The following TMEM182 variants were observed in gnomAD, a reference collection of about 807,000 sequenced individuals.
TMEM182 encodes the protein transmembrane protein 182.
In TMEM182, 20 loss-of-function variants were observed where a neutral mutation model predicts 26.8. The ratio of observed to expected loss-of-function variants is 0.75; its 90% CI spans 0.53 to 1.09. TMEM182 has a LOEUF of 1.09. TMEM182 is among the 50% of genes least tolerant of loss of function. The probability of loss-of-function intolerance (pLI) is 0.00; values close to 1 mark genes in which losing one functional copy is unlikely to be tolerated. For synonymous variants in TMEM182, 109 were observed against 102.2 expected (o/e 1.07, Z -0.40); for missense variants, 277 against 275.5 (o/e 1.01, Z -0.04).
At chr2:102,783,536 C>G (rs1249974249) in intron 3 of TMEM182, among the ~76,000 whole-genome samples, 1 of 152,186 alleles carries the variant, frequency 6.6e-6, no homozygotes, top group Admixed American at 6.5e-5. Context: ...GACATTTCCA[C>G]CACATTCCTT....
chr2:102,830,045 G>A (rs1377016517), intron 3 of TMEM182, among the ~76,000 whole-genome samples: 2 of 152,208 alleles, frequency 1.3e-5, no homozygotes, highest in African/African-American at 4.8e-5. Context: ...GGAGAAAGCT[G>A]TGTTTGTTGA....
chr2:102,838,944 G>A (rs113064373), intron 3 of TMEM182, among the ~76,000 whole-genome samples: 15 of 152,282 alleles, frequency 9.9e-5, no homozygotes, highest in African/African-American at 3.6e-4. Flanking sequence ...TCTTCGCCAA[G>A]GTTGTACAGA....
In TMEM182 at chr2:102,817,040, G is replaced by A. The variant is rs1262235974; in HGVS notation, c.*2072G>A. 2.0e-6 allele frequency: 2 copies of A among 985,504 alleles called. No homozygotes were observed. The highest frequency in any genetic ancestry group is 2.4e-6 in the Non-Finnish European group (2 of 829,918). The allele number at this position is 985,504 out of a possible 1,614,324, so 61.0% of individuals were successfully genotyped here. On this transcript the variant is annotated 3_prime_UTR_variant, in exon 5 of 5. Coordinates refer to ENST00000412401, the MANE Select transcript of TMEM182 (RefSeq NM_144632.5). ...TGCACTTTGGAACTATTTTATAGTT[G>A]TAATGCATCAATCAAATACATTTCA... is the stretch of plus-strand genomic sequence containing the variant.
chr2:102,737,075 C>T (rs1175272314), intron 1 of TMEM182: 1 of 464,558 alleles, frequency 2.2e-6, no homozygotes, highest in Admixed American at 4.1e-5. Flanking sequence ...GGGTACAGAC[C>T]CTGCTGCCCC....
Position 102,815,762 on chromosome 2 carries a change from C to T in TMEM182, c.*794C>T. 1.1e-6 allele frequency: 1 copy of T among 933,974 alleles called. No homozygotes were observed. Among genetic ancestry groups the T allele is most frequent in the Non-Finnish European group, 1.3e-6 (1 of 783,376 alleles). The allele number at this position is 933,974 out of a possible 1,614,324, so 57.9% of individuals were successfully genotyped here. A position where few individuals can be genotyped will look rare whatever the true frequency, so the allele number is the denominator to read the frequency against. On this transcript the variant is annotated 3_prime_UTR_variant, in exon 5 of 5. Coordinates refer to ENST00000412401, the MANE Select transcript of TMEM182 (RefSeq NM_144632.5). ...TAAAAACCAAGCATTTCCGCTTGGT[C>T]CATAATTCTATTTGATATTTTAAAA...
intron 3 of TMEM182, among the ~76,000 whole-genome samples, chr2:102,826,274 C>T (rs1683028516): frequency 2.0e-5 from 3 of 151,220 alleles, no homozygotes; most frequent in Admixed American, 1.3e-4. Flanking sequence ...GGGCAAAGCC[C>T]CAGTGCAGCG....
At chr2:102,808,125 G>A (rs1465147275) in intron 4 of TMEM182, among the ~76,000 whole-genome samples, 1 of 152,104 alleles carries the variant, frequency 6.6e-6, no homozygotes, top group Non-Finnish European at 1.5e-5. Flanking sequence ...TAAGAGTCTA[G>A]CTCTTTCTCC....
chr2:102,771,096 C>A (rs1398979290), intron 3 of TMEM182, among the ~76,000 whole-genome samples: 3 of 152,136 alleles, frequency 2.0e-5, no homozygotes, highest in African/African-American at 7.2e-5. Context: ...GTCCTAAATA[C>A]AGCAAATCAC....
At position 102,816,465 on chromosome 2, in the gene TMEM182, T is replaced by A; in HGVS notation, c.*1497T>A. The A allele has an allele frequency of 1.0e-6, 1 of 984,614 alleles. No individual in the cohort carries two copies. Among genetic ancestry groups the A allele is most frequent in the African/African-American group, 1.8e-5 (1 of 57,088 alleles). The allele number at this position is 984,614 out of a possible 1,614,324, so 61.0% of individuals were successfully genotyped here. Reference sequence around the variant, plus strand: ...CCAGTGGGAAGGAGCTTTGGAAAAATTGCAAAGGTCTGAATCTTCAGGGCA... The same window carrying A: ...CCAGTGGGAAGGAGCTTTGGAAAAAATGCAAAGGTCTGAATCTTCAGGGCA... On this transcript the variant is annotated 3_prime_UTR_variant, in exon 5 of 5. Coordinates refer to ENST00000412401, the MANE Select transcript of TMEM182 (RefSeq NM_144632.5).
intron 3 of TMEM182, among the ~76,000 whole-genome samples, chr2:102,782,045 C>T (rs933029431): frequency 6.6e-6 from 1 of 152,192 alleles, no homozygotes; most frequent in East Asian, 1.9e-4. Flanking sequence ...GTGGCTCACT[C>T]CTGTAATCCC....
chr2:102,747,650 A>T (rs981306895), intron 1 of TMEM182, among the ~76,000 whole-genome samples: 7 of 147,346 alleles, frequency 4.8e-5, no homozygotes, highest in Non-Finnish European at 8.8e-5. Flanking sequence ...ATGGGAAAAT[A>T]AAAAAAACAA....
intron 1 of TMEM182, among the ~76,000 whole-genome samples, chr2:102,752,340 T>C (rs1476146302): frequency 6.6e-6 from 1 of 152,228 alleles, no homozygotes; most frequent in East Asian, 1.9e-4. Flanking sequence ...ATTTTTGTTA[T>C]TTAGTTGTTG....
At chr2:102,774,000 C>T (rs889276576) in intron 3 of TMEM182, among the ~76,000 whole-genome samples, 13 of 151,990 alleles carry the variant, frequency 8.6e-5, no homozygotes, top group African/African-American at 3.1e-4. Flanking sequence ...TTTTAAAAAA[C>T]TATTTCATTT....
upstream of TMEM182, among the ~76,000 whole-genome samples, chr2:102,759,005 T>C (rs1325983105): frequency 6.6e-6 from 1 of 152,202 alleles, no homozygotes; most frequent in African/African-American, 2.4e-5. Context: ...GATGTTTATA[T>C]ATTTTTCATA....
chr2:102,818,632 T>C (rs1249423777), downstream of TMEM182, among the ~76,000 whole-genome samples: 1 of 152,050 alleles, frequency 6.6e-6, no homozygotes, highest in Non-Finnish European at 1.5e-5. Context: ...CTCCTGCCCA[T>C]AGGATTCAGC....
At chr2:102,812,721 A>G (rs1266118733) in intron 4 of TMEM182, among the ~76,000 whole-genome samples, 1 of 152,204 alleles carries the variant, frequency 6.6e-6, no homozygotes, top group African/African-American at 2.4e-5. Flanking sequence ...CACAAAGGCA[A>G]TTTCCTTTTT....
chr2:102,822,074 A>G (rs1484350696), downstream of TMEM182, among the ~76,000 whole-genome samples: 2 of 152,178 alleles, frequency 1.3e-5, no homozygotes, highest in Non-Finnish European at 2.9e-5. Flanking sequence ...TGCACATTGT[A>G]TACAGGCATC....
intron 3 of TMEM182, among the ~76,000 whole-genome samples, chr2:102,836,959 T>C (rs913435010): frequency 9.9e-5 from 15 of 152,224 alleles, no homozygotes; most frequent in African/African-American, 3.6e-4. Context: ...AGGACCTCTC[T>C]TGAGTGCAAC....
chr2:102,834,567 T>C (rs529935022), intron 3 of TMEM182, among the ~76,000 whole-genome samples: 1 of 152,230 alleles, frequency 6.6e-6, no homozygotes, highest in South Asian at 2.1e-4. Context: ...TTGCTACAAA[T>C]AGAAAAACAA....
Sources: gnomAD v4.1 joint callset for allele counts (sites outside exome capture counted in the v4.1 genomes callset) on GRCh38, gnomAD v4.1.1 for gene constraint, MANE v1.5 for transcripts, NCBI Gene and HGNC (gene_info 2026-07-23, HGNC 2026-07-21) for gene names.